The following TTLL5 variants were observed in gnomAD, a reference collection of about 807,000 sequenced individuals.
TTLL5 encodes tubulin polyglutamylase TTLL5.
TTLL5 carries 132 observed loss-of-function variants against 168.4 expected under a neutral mutation model. The observed-to-expected ratio is 0.78, with a 90% CI of 0.68 to 0.91. The LOEUF (loss-of-function observed/expected upper bound fraction) is 0.91. TTLL5 is among the 40% of genes least tolerant of loss of function. TTLL5 has a pLI of 0.00. For missense variants in TTLL5, 1,545 were observed against 1,581.5 expected, an observed-to-expected ratio of 0.98 and a Z score of 0.39; for synonymous variants, 546 against 558.6, an observed-to-expected ratio of 0.98 and a Z score of 0.32.
At position 75,775,617 on chromosome 14, in the gene TTLL5, T is replaced by C. The variant is rs1891671004; in HGVS notation, c.2270T>C (p.Ile757Thr). 6.2e-7 allele frequency: 1 copy of C among 1,614,090 alleles called. No homozygotes were observed. Among genetic ancestry groups the C allele is most frequent in the Non-Finnish European group, 8.5e-7 (1 of 1,179,954 alleles). The change falls in exon 22 of 32, where the codon ATT (isoleucine) becomes ACT (threonine). Residue 757 changes from isoleucine (I) to threonine (T), a missense_variant. Ile to Thr is a moderately conservative substitution (Grantham distance 89). Coordinates refer to ENST00000298832, the MANE Select transcript of TTLL5 (RefSeq NM_015072.5). Reference sequence around the variant, plus strand: ...GCCCACCAGCTGGGTGACTTTATCATTGTATACAACAAGGTAAGTCTTTTT... The same window carrying C: ...GCCCACCAGCTGGGTGACTTTATCACTGTATACAACAAGGTAAGTCTTTTT... ...ILAHQLGDFIIVYNKETEQMA... is the reference protein window; with the variant it reads ...ILAHQLGDFITVYNKETEQMA...
At chr14:75,711,909 C>T (rs1231265796) in intron 9 of TTLL5, 1 of 152,272 alleles carries the variant, frequency 6.6e-6, no homozygotes, top group Admixed American at 6.5e-5. Context: ...TTCAGATTAC[C>T]TCACAGGCTG....
intron 31 of TTLL5, chr14:75,904,202 CAAA>C (rs562877528): frequency 2.9e-3 from 2,850 of 975,690 alleles, no homozygotes; most frequent in South Asian, 1.0e-2. Context: ...CTCACTCCTC[CAAA>C]AAAAAAAAAA....
At chr14:75,920,472 TC>T (rs1186360381) in intron 31 of TTLL5, among the ~76,000 whole-genome samples, 1 of 152,134 alleles carries the variant, frequency 6.6e-6, no homozygotes, top group Non-Finnish European at 1.5e-5. Context: ...ATTGTTCAGT[TC>T]CCACCTGTGA....
chr14:75,662,626 A>C (rs1317644891), intron 1 of TTLL5, among the ~76,000 whole-genome samples: 1 of 151,082 alleles, frequency 6.6e-6, no homozygotes. Flanking sequence ...GGCGTGAGCC[A>C]CCCTGCCCGG....
intron 7 of TTLL5, among the ~76,000 whole-genome samples, chr14:75,706,710 T>A (rs1449962856): frequency 6.6e-6 from 1 of 152,072 alleles, no homozygotes; most frequent in East Asian, 1.9e-4. Flanking sequence ...CAGGTAACTA[T>A]TTAATATCAT....
At chr14:75,667,927 AT>A (rs1883413789) in intron 2 of TTLL5, among the ~76,000 whole-genome samples, 1 of 151,614 alleles carries the variant, frequency 6.6e-6, no homozygotes. Context: ...CACCCAGCTA[AT>A]TTTTGTATTT....
At chr14:75,746,789 C>A (rs555384682) in intron 17 of TTLL5, among the ~76,000 whole-genome samples, 1 of 152,108 alleles carries the variant, frequency 6.6e-6, no homozygotes, top group Admixed American at 6.6e-5. Context: ...ATCTTGAACT[C>A]CTGGGCTCAA....
chr14:75,794,220 T>C (rs1892874794), intron 27 of TTLL5, among the ~76,000 whole-genome samples: 1 of 152,140 alleles, frequency 6.6e-6, no homozygotes, highest in African/African-American at 2.4e-5. Context: ...CAATGTTGAT[T>C]CTTGGAGGGA....
chr14:75,680,906 C>T (rs1382824987), intron 3 of TTLL5, among the ~76,000 whole-genome samples: 3 of 152,020 alleles, frequency 2.0e-5, no homozygotes, highest in African/African-American at 7.2e-5. Flanking sequence ...GAGTTACAGG[C>T]GTGAGCCACC....
intron 30 of TTLL5, among the ~76,000 whole-genome samples, chr14:75,883,692 A>G (rs778818939): frequency 1.3e-5 from 2 of 152,254 alleles, no homozygotes; most frequent in East Asian, 1.9e-4. Flanking sequence ...ATAGAAAACA[A>G]TCCCTTGTGG....
At chr14:75,765,508 T>A (rs1890916005) in intron 19 of TTLL5, among the ~76,000 whole-genome samples, 1 of 151,752 alleles carries the variant, frequency 6.6e-6, no homozygotes, top group Non-Finnish European at 1.5e-5. Context: ...TGTGAGAGAG[T>A]GATGATGAGA....
chr14:75,812,605 A>C (rs933300518), intron 27 of TTLL5, among the ~76,000 whole-genome samples: 2 of 152,180 alleles, frequency 1.3e-5, no homozygotes, highest in Non-Finnish European at 2.9e-5. Context: ...TAAAGTTGCT[A>C]ATGAAACTAT....
chr14:75,800,917 GT>G (rs1893272402), intron 27 of TTLL5, among the ~76,000 whole-genome samples: 1 of 152,150 alleles, frequency 6.6e-6, no homozygotes, highest in African/African-American at 2.4e-5. Flanking sequence ...CTTTGTTGTA[GT>G]TTTGTTCAGT....
chr14:75,873,108 C>G lies in TTLL5; in HGVS notation c.3522+9246C>G, dbSNP rs2031181516. Among the ~76,000 whole-genome samples the G allele has an allele frequency of 3.5e-5, 5 of 142,434 alleles. No homozygotes were observed. In the Admixed American group the frequency reaches 3.6e-4, roughly 10 times the overall value. The allele number at this position is 142,434 out of a possible 152,430, so 93.4% of individuals were successfully genotyped here. ...TTTTTTTTTGAGACGGAGTCTCGCT[C>G]TGTCCCCCAGGCTGGAGTGCAGTGG... On this transcript the variant is annotated intron_variant, in intron 29 of 31. Transcript: ENST00000298832.
intron 3 of TTLL5, among the ~76,000 whole-genome samples, chr14:75,673,718 T>A (rs193265713): frequency 5.3e-5 from 8 of 152,350 alleles, no homozygotes; most frequent in African/African-American, 1.7e-4. Flanking sequence ...ACTCTACTTG[T>A]AAATGACTTT....
At position 75,720,653 on chromosome 14, in the gene TTLL5, C is replaced by T. The variant is rs1468628435; in HGVS notation, c.992C>T (p.Ala331Val). The change falls in exon 12 of 32, where the codon GCT (alanine) becomes GTT (valine). Residue 331 changes from alanine (A) to valine (V), a missense_variant. By Grantham distance (64) the Ala-to-Val change is moderately conservative. Transcript: ENST00000298832. ...IIKTIISAEL[A>V]IATACKTFVP... is the part of the protein sequence containing the mutation. Reference sequence around the variant, plus strand: ...AAGACTATAATCTCTGCTGAACTAGCTATTGCTACTGCCTGTAAAACCTTT... The same window carrying T: ...AAGACTATAATCTCTGCTGAACTAGTTATTGCTACTGCCTGTAAAACCTTT... 2 of 1,613,716 alleles carry T rather than the reference C, an allele frequency of 1.2e-6. No homozygotes were observed. Among genetic ancestry groups the T allele is most frequent in the Non-Finnish European group, 1.7e-6 (2 of 1,179,692 alleles).
At chr14:75,689,963 G>T in intron 5 of TTLL5, 1 of 425,556 alleles carries the variant, frequency 2.3e-6, no homozygotes, top group Non-Finnish European at 4.1e-6. Flanking sequence ...CATTAAAAAG[G>T]GCAAATTTTA....
At chr14:75,714,319 CT>C (rs1887287546) in intron 9 of TTLL5, among the ~76,000 whole-genome samples, 2 of 152,122 alleles carry the variant, frequency 1.3e-5, no homozygotes, top group Non-Finnish European at 2.9e-5. Context: ...TGGTCTTACC[CT>C]TTGTAATTAG....
chr14:75,755,998 C>A (rs1420205710), intron 18 of TTLL5, among the ~76,000 whole-genome samples: 1 of 149,238 alleles, frequency 6.7e-6, no homozygotes, highest in Non-Finnish European at 1.5e-5. Context: ...CCCCCACCCC[C>A]ACCCAGAGTG....
Sources: allele counts gnomAD v4.1 joint callset (sites outside exome capture counted in the v4.1 genomes callset), GRCh38; gene constraint gnomAD v4.1.1; transcripts MANE v1.5; gene names NCBI Gene and HGNC (gene_info 2026-07-23, HGNC 2026-07-21).